ESR2: variants seen among roughly 807,000 people sequenced by gnomAD.
ESR2 encodes estrogen receptor 2.
In ESR2, 36 loss-of-function variants were observed where a neutral mutation model predicts 49.6. The ratio of observed to expected loss-of-function variants is 0.73; its 90% CI spans 0.56 to 0.96. The LOEUF (loss-of-function observed/expected upper bound fraction) is 0.96. Among genes scored for constraint, ESR2 ranks in the 40% least tolerant of loss-of-function variants. ESR2 has a pLI of 0.00. For synonymous variants in ESR2, 320 were observed against 266.1 expected (o/e 1.20, Z -1.97); for missense variants, 714 against 693.0 (o/e 1.03, Z -0.34).
intron 3 of ESR2, among the ~76,000 whole-genome samples, chr14:64,272,506 C>G (rs1483037264): frequency 1.3e-5 from 2 of 152,122 alleles, no homozygotes; most frequent in East Asian, 3.9e-4. Context: ...CCCGTGTTTT[C>G]TTTTAGTAGT....
chr14:64,337,698 TTATC>T (rs2077548542), intron 1 of ESR2, among the ~76,000 whole-genome samples: 1 of 152,178 alleles, frequency 6.6e-6, no homozygotes, highest in South Asian at 2.1e-4. Flanking sequence ...AAAAAAGAGA[TTATC>T]TAATTCCATA....
chr14:64,308,146 C>T (rs1034229722), intron 1 of ESR2, among the ~76,000 whole-genome samples: 8 of 152,064 alleles, frequency 5.3e-5, no homozygotes, highest in South Asian at 2.1e-4. Flanking sequence ...TCCTGAGGAG[C>T]GGAGACCACA....
Position 64,257,333 on chromosome 14 carries a change from C to T in ESR2, c.984G>A (p.Val328=), listed in dbSNP as rs1256049. 75,043 of 1,613,366 alleles carry T rather than the reference C, an allele frequency of 0.047. 4,026 individuals are homozygous for T. Among genetic ancestry groups the T allele is most frequent in the East Asian group, 0.33 (14,612 of 44,854 alleles). ...CCATCCAACAGCTCTCCAAGAGCCG[C>T]ACTTGGTCGAACAGGCTGAGCTCCA... ...GFVELSLFDQ[V]RLLESCWMEV... The change falls in exon 6 of 9, where the codon GTG becomes GTA. Residue 328 remains valine (V), a synonymous_variant. Transcript: ENST00000341099.
At chr14:64,259,901 G>A (rs373759949) in intron 5 of ESR2, among the ~76,000 whole-genome samples, 13 of 152,184 alleles carry the variant, frequency 8.5e-5, no homozygotes, top group South Asian at 6.2e-4. Flanking sequence ...TTCAAGGTGA[G>A]GAATCCACAG....
chr14:64,272,515 G>A (rs2076471605), intron 3 of ESR2, among the ~76,000 whole-genome samples: 2 of 152,150 alleles, frequency 1.3e-5, no homozygotes, highest in Admixed American at 1.3e-4. Context: ...TCTTTTAGTA[G>A]TTTCATAGTT....
At chr14:64,269,593 C>T (rs965134575) in intron 3 of ESR2, among the ~76,000 whole-genome samples, 2 of 152,146 alleles carry the variant, frequency 1.3e-5, no homozygotes, top group Admixed American at 1.3e-4. Flanking sequence ...TTTGGCTTGG[C>T]CTCTTGAGCT....
chr14:64,317,125 G>C (rs977562881), intron 1 of ESR2, among the ~76,000 whole-genome samples: 2 of 152,112 alleles, frequency 1.3e-5, no homozygotes, highest in African/African-American at 4.8e-5. Context: ...AATTAGCCGG[G>C]TGTGGTGGCA....
chr14:64,259,864 C>G (rs751573975), intron 5 of ESR2, among the ~76,000 whole-genome samples: 2 of 152,182 alleles, frequency 1.3e-5, no homozygotes, highest in African/African-American at 2.4e-5. Flanking sequence ...TCAAACTAGT[C>G]ATACTGTACT....
chr14:64,305,409 G>A (rs1040469534), intron 1 of ESR2, among the ~76,000 whole-genome samples: 1 of 151,832 alleles, frequency 6.6e-6, no homozygotes, highest in South Asian at 2.1e-4. Flanking sequence ...AGTGGCTCAC[G>A]CCTGTAATCC....
intron 5 of ESR2, chr14:64,260,165 G>T (rs1177750856): frequency 1.5e-6 from 1 of 665,792 alleles, no homozygotes; most frequent in African/African-American, 1.7e-5. Context: ...AGGCAGTCAA[G>T]AATAGAAATG....
In ESR2 at chr14:64,303,298, GT is replaced by G. The variant is rs1408526783; in HGVS notation, c.-90-20224del. Among the ~76,000 whole-genome samples, 7 of 151,402 alleles carry G rather than the reference GT, an allele frequency of 4.6e-5. No individual in the cohort carries two copies. The East Asian group carries it at 1.2e-3, about 25-fold the overall frequency. ...GTGAACACTTCTTGGCTGTTCTCTT[GT>G]TTTGGGTGCATGGCTCAGTTTGAAT... On this transcript the variant is annotated intron_variant, in intron 1 of 8. Coordinates refer to the ESR2 transcript ENST00000358599.
chr14:64,287,028 T>TC (rs935750130), intron 1 of ESR2, among the ~76,000 whole-genome samples: 1 of 150,202 alleles, frequency 6.7e-6, no homozygotes, highest in Non-Finnish European at 1.5e-5. Flanking sequence ...GAAGTTGTTT[T>TC]TTTTTTTTTC....
At chr14:64,283,835 A>G (rs1430238982) in intron 1 of ESR2, among the ~76,000 whole-genome samples, 2 of 151,422 alleles carry the variant, frequency 1.3e-5, no homozygotes, top group Admixed American at 6.6e-5. Context: ...TGAATCTCCA[A>G]TAATAAAAAA....
intron 6 of ESR2, among the ~76,000 whole-genome samples, chr14:64,250,215 T>A (rs909804744): frequency 3.0e-4 from 45 of 152,168 alleles, no homozygotes; most frequent in African/African-American, 1.1e-3. Flanking sequence ...CTAAGACATT[T>A]ACCTGTAATT....
chr14:64,226,877 G>C (rs991697065), downstream of ESR2: 4 of 152,192 alleles, frequency 2.6e-5, no homozygotes, highest in Admixed American at 2.0e-4. Flanking sequence ...TTTTAATAGA[G>C]ACGGGGTTTC....
chr14:64,275,488 A>G (rs1217751121), intron 3 of ESR2, among the ~76,000 whole-genome samples: 1 of 152,000 alleles, frequency 6.6e-6, no homozygotes, highest in Non-Finnish European at 1.5e-5. Flanking sequence ...TGATCTCCTG[A>G]GGTCAGGAGT....
chr14:64,313,200 A>G (rs2077204692), intron 1 of ESR2, among the ~76,000 whole-genome samples: 1 of 152,194 alleles, frequency 6.6e-6, no homozygotes, highest in South Asian at 2.1e-4. Context: ...CCCCCAAACA[A>G]CAAAGTTATA....
chr14:64,300,269 G>A (rs1450866772), intron 1 of ESR2, among the ~76,000 whole-genome samples: 1 of 152,196 alleles, frequency 6.6e-6, no homozygotes, highest in Non-Finnish European at 1.5e-5. Context: ...CTGCCTCCTT[G>A]CAAGAGATTC....
intron 4 of ESR2, among the ~76,000 whole-genome samples, chr14:64,264,595 A>C (rs1444651426): frequency 6.6e-6 from 1 of 152,020 alleles, no homozygotes; most frequent in Non-Finnish European, 1.5e-5. Flanking sequence ...TCTGCTAGGC[A>C]AGGTGGCTCA....
Sources: allele counts gnomAD v4.1 joint callset (sites outside exome capture counted in the v4.1 genomes callset), GRCh38; gene constraint gnomAD v4.1.1; transcripts MANE v1.5; gene names NCBI Gene and HGNC (gene_info 2026-07-23, HGNC 2026-07-21).